NYAP2: variants seen among roughly 807,000 people sequenced by gnomAD.
NYAP2 encodes neuronal tyrosine-phosphorylated phosphoinositide-3-kinase adaptor 2.
In NYAP2, 23 loss-of-function variants were observed where a neutral mutation model predicts 50.4. That is an observed-to-expected ratio of 0.46 (90% CI 0.33 to 0.65). NYAP2 has a LOEUF of 0.65. Among genes scored for constraint, NYAP2 ranks in the 30% least tolerant of loss-of-function variants. The pLI is 0.02. For missense variants in NYAP2, 885 were observed against 861.0 expected (o/e 1.03, Z -0.35); for synonymous variants, 394 against 365.2 (o/e 1.08, Z -0.90).
intron 3 of NYAP2, among the ~76,000 whole-genome samples, chr2:225,511,803 C>T (rs1574651500): frequency 6.6e-6 from 1 of 151,994 alleles, no homozygotes. Context: ...AACATTGTAA[C>T]GATATGAAAG....
At chr2:225,600,568 G>C (rs1371842093) in intron 5 of NYAP2, among the ~76,000 whole-genome samples, 1 of 152,198 alleles carries the variant, frequency 6.6e-6, no homozygotes, top group South Asian at 2.1e-4. Flanking sequence ...AATAAGGACA[G>C]CTTGAAGGTG....
intron 4 of NYAP2, among the ~76,000 whole-genome samples, chr2:225,574,536 T>C (rs540942098): frequency 3.3e-5 from 5 of 152,240 alleles, no homozygotes; most frequent in South Asian, 2.1e-4. Flanking sequence ...GTGAGTAGTT[T>C]TCCTAGCTAC....
chr2:225,703,557 A>C, the NYAP2 span: 1 of 151,778 alleles, frequency 6.6e-6, no homozygotes, highest in East Asian at 1.9e-4. Flanking sequence ...TTGAAAATAA[A>C]TTGTTTTCTT....
intron 4 of NYAP2, among the ~76,000 whole-genome samples, chr2:225,549,026 A>C (rs1340586867): frequency 6.6e-6 from 1 of 151,992 alleles, no homozygotes; most frequent in Admixed American, 6.6e-5. Flanking sequence ...GACTATAGGC[A>C]TGCACTACCA....
chr2:225,575,741 A>C (rs1259034660), intron 4 of NYAP2, among the ~76,000 whole-genome samples: 2 of 152,218 alleles, frequency 1.3e-5, no homozygotes, highest in Non-Finnish European at 2.9e-5. Flanking sequence ...GAATGAGAAC[A>C]TATGTAGGTA....
chr2:225,448,532 C>A (rs186121960), intron 3 of NYAP2, among the ~76,000 whole-genome samples: 1 of 152,258 alleles, frequency 6.6e-6, no homozygotes, highest in African/African-American at 2.4e-5. Context: ...AAATCTCTTA[C>A]ACTAAAATTA....
chr2:225,549,811 C>G (rs1249180895), intron 4 of NYAP2, among the ~76,000 whole-genome samples: 4 of 151,772 alleles, frequency 2.6e-5, no homozygotes, highest in Non-Finnish European at 5.9e-5. Context: ...GTGAAACCCC[C>G]CTGTTTGTAC....
chr2:225,561,634 G>A (rs1467807165), intron 4 of NYAP2, among the ~76,000 whole-genome samples: 1 of 152,070 alleles, frequency 6.6e-6, no homozygotes, highest in East Asian at 1.9e-4. Flanking sequence ...AAACACAGAG[G>A]CATAGAGGCA....
chr2:225,688,856 C>T, the NYAP2 span, among the ~76,000 whole-genome samples: 1 of 152,162 alleles, frequency 6.6e-6, no homozygotes, highest in African/African-American at 2.4e-5. Context: ...GATTCTCCTG[C>T]CTCAGCCTCC....
At chr2:225,614,323 C>T (rs1172505079) in intron 5 of NYAP2, among the ~76,000 whole-genome samples, 1 of 151,986 alleles carries the variant, frequency 6.6e-6, no homozygotes, top group South Asian at 2.1e-4. Context: ...TAAACTATTT[C>T]TTACAGATTT....
intron 2 of NYAP2, among the ~76,000 whole-genome samples, chr2:225,406,043 A>C (rs1316775473): frequency 2.0e-5 from 3 of 152,026 alleles, no homozygotes; most frequent in African/African-American, 7.2e-5. Context: ...ATTATAGTTA[A>C]ATTTATGGAA....
intron 5 of NYAP2, among the ~76,000 whole-genome samples, chr2:225,622,613 C>T (rs1346765632): frequency 2.1e-5 from 3 of 144,142 alleles, no homozygotes; most frequent in Non-Finnish European, 4.5e-5. Context: ...AAAGTCTCGC[C>T]CTGTTGCCCA....
At position 225,547,947 on chromosome 2, in the gene NYAP2, A is replaced by G. The variant is rs545094982; in HGVS notation, c.524-33994A>G. Reference sequence around the variant, plus strand: ...TTCCTGTTCTTTATATCCCTACTATATTTCCTGAAGCTCACTACATGAAAT... The same window carrying G: ...TTCCTGTTCTTTATATCCCTACTATGTTTCCTGAAGCTCACTACATGAAAT... On this transcript the variant is annotated intron_variant, in intron 4 of 6. Transcript: ENST00000636099. 3.9e-5 allele frequency among the ~76,000 whole-genome samples: 6 copies of G among 152,202 alleles called. No homozygotes were observed. In the East Asian group the frequency reaches 1.2e-3, roughly 29 times the overall value.
intron 3 of NYAP2, among the ~76,000 whole-genome samples, chr2:225,437,138 T>C (rs977753093): frequency 3.9e-5 from 6 of 152,270 alleles, no homozygotes; most frequent in Middle Eastern, 3.4e-3. Flanking sequence ...AATCTTGTTA[T>C]TTGGTGTCTA....
intron 5 of NYAP2, among the ~76,000 whole-genome samples, chr2:225,587,046 G>C (rs1692400620): frequency 6.6e-6 from 1 of 152,152 alleles, no homozygotes; most frequent in African/African-American, 2.4e-5. Context: ...AGGGAAGATT[G>C]TCTTATAAAA....
intron 3 of NYAP2, among the ~76,000 whole-genome samples, chr2:225,415,561 T>C (rs971122680): frequency 6.6e-6 from 1 of 152,170 alleles, no homozygotes; most frequent in Non-Finnish European, 1.5e-5. Flanking sequence ...GTAGACTTTG[T>C]GGAAATAGCA....
the NYAP2 span, among the ~76,000 whole-genome samples, chr2:225,687,099 G>A: frequency 6.6e-6 from 1 of 152,058 alleles, no homozygotes; most frequent in African/African-American, 2.4e-5. Flanking sequence ...TTTTTATTTA[G>A]CATGTGATAT....
chr2:225,574,071 A>G (rs1692126813), intron 4 of NYAP2, among the ~76,000 whole-genome samples: 1 of 152,198 alleles, frequency 6.6e-6, no homozygotes, highest in East Asian at 1.9e-4. Flanking sequence ...AAGTTTCATG[A>G]CATGGCAATA....
chr2:225,498,665 A>C (rs1690549007), intron 3 of NYAP2, among the ~76,000 whole-genome samples: 1 of 152,122 alleles, frequency 6.6e-6, no homozygotes, highest in African/African-American at 2.4e-5. Context: ...TGGGACCAAA[A>C]GTTCATAAAA....
Sources: gnomAD v4.1 joint callset for allele counts (sites outside exome capture counted in the v4.1 genomes callset) on GRCh38, gnomAD v4.1.1 for gene constraint, MANE v1.5 for transcripts, NCBI Gene and HGNC (gene_info 2026-07-23, HGNC 2026-07-21) for gene names.